Variants in ABCA8 observed in about 807,000 individuals in gnomAD.
ABCA8 encodes ATP binding cassette subfamily A member 8, also known as ABC-type organic anion transporter ABCA8.
A neutral mutation model predicts 192.3 loss-of-function variants in ABCA8; 177 were observed. The ratio of observed to expected loss-of-function variants is 0.92; its 90% CI spans 0.81 to 1.04. The LOEUF (loss-of-function observed/expected upper bound fraction) is 1.04. Ranked by LOEUF, ABCA8 falls within the 50% of genes least tolerant of loss-of-function variation. The pLI is 0.00. For missense variants in ABCA8, 1,915 were observed against 1,904.8 expected, an observed-to-expected ratio of 1.01 and a Z score of -0.10; for synonymous variants, 642 against 690.2, an observed-to-expected ratio of 0.93 and a Z score of 1.09.
At position 68,894,319 on chromosome 17, in the gene ABCA8, T is replaced by C. The variant is rs1203957372; in HGVS notation, c.2899-9A>G. ...AACGAAAAGCTGTAATTCTAAAATA[T>C]AACAAGTAGGATATAAGTTCTCAAA... On this transcript the variant is annotated splice_polypyrimidine_tract_variant and intron_variant, in intron 22 of 39. Transcript: ENST00000586539. 1 of 1,600,666 alleles carries C rather than the reference T, an allele frequency of 6.2e-7. No homozygotes were observed. Among genetic ancestry groups the C allele is most frequent in the Non-Finnish European group, 8.5e-7 (1 of 1,175,468 alleles).
chr17:68,929,269 C>T, intron 8 of ABCA8, 35 bp from the exon 9 acceptor site: 1 of 1,490,912 alleles, frequency 6.7e-7, no homozygotes, highest in Non-Finnish European at 9.0e-7. Flanking sequence ...GTTTATGTTT[C>T]TCTAACATTA....
intron 17 of ABCA8, among the ~76,000 whole-genome samples, chr17:68,909,817 T>C (rs2067186919): frequency 6.6e-6 from 1 of 152,248 alleles, no homozygotes; most frequent in African/African-American, 2.4e-5. Context: ...TCCTATTTTC[T>C]TTGTATTGTT....
At chr17:68,909,671 G>A (rs1278326925) in intron 17 of ABCA8, among the ~76,000 whole-genome samples, 2 of 152,074 alleles carry the variant, frequency 1.3e-5, no homozygotes, top group Non-Finnish European at 2.9e-5. Flanking sequence ...TTTCCAAGAA[G>A]AGATGCAAAC....
intron 24 of ABCA8, among the ~76,000 whole-genome samples, chr17:68,890,796 G>T (rs2066605714): frequency 6.6e-6 from 1 of 152,208 alleles, no homozygotes; most frequent in African/African-American, 2.4e-5. Flanking sequence ...TGAGATTACA[G>T]GCGTGAGCCA....
Position 68,903,455 on chromosome 17 carries a change from T to G in ABCA8, c.2443A>C (p.Thr815Pro). Residue 815 changes from threonine (T) to proline (P), a missense_variant, in exon 20 of 40, where the codon ACT (threonine) becomes CCT (proline). Physicochemically the swap from Thr to Pro is conservative, Grantham distance 38. Coordinates refer to ENST00000586539, the MANE Select transcript of ABCA8 (RefSeq NM_001288985.2). Reference protein sequence around the residue: ...GEVQAEKADDTERLVEMEQVL... With the variant: ...GEVQAEKADDPERLVEMEQVL... ...TGTTCCATCTCAACAAGCCTTTCAG[T>G]GTCGTCAGCTTTTTCCGCTTGTACT... 6.2e-7 allele frequency: 1 copy of G among 1,614,168 alleles called. No homozygotes were observed. The highest frequency in any genetic ancestry group is 8.5e-7 in the Non-Finnish European group (1 of 1,180,032).
rs1484009158 is a variant in ABCA8 at position 68,918,258 on chromosome 17, A to G, written c.1909-73T>C. On this transcript the variant is annotated intron_variant, in intron 15 of 39. Transcript: ENST00000586539. The stretch of plus-strand genomic sequence containing the variant: ...TCTTCCAGAAAACAACGCAAAAACC[A>G]TATTGATTATATTTAACAGAGTATT... The G allele has an allele frequency of 3.2e-6, 5 of 1,571,044 alleles. No individual in the cohort carries two copies. In the African/African-American group the frequency reaches 5.4e-5, roughly 17 times the overall value.
chr17:68,936,785 T>C (rs1245613159), intron 5 of ABCA8, among the ~76,000 whole-genome samples, 166 bp downstream of exon 5: 1 of 152,076 alleles, frequency 6.6e-6, no homozygotes, highest in Non-Finnish European at 1.5e-5. Flanking sequence ...CTTATCGATA[T>C]GTTCTTATGC....
chr17:68,876,424 A>G (rs1461219933), intron 35 of ABCA8, 36 bp downstream of exon 35: 1 of 1,613,660 alleles, frequency 6.2e-7, no homozygotes, highest in Admixed American at 1.7e-5. Context: ...CATGCAAGTC[A>G]TCCGTGCTGT....
At chr17:68,929,495 A>C in intron 8 of ABCA8, 66 bp downstream of exon 8, 1 of 1,511,688 alleles carries the variant, frequency 6.6e-7, no homozygotes, top group Non-Finnish European at 8.9e-7. Context: ...ATACAGAGTA[A>C]TCAGTCGGAA....
At chr17:68,881,762 T>C (rs988587139) in intron 31 of ABCA8, 101 bp downstream of exon 31, 1 of 772,128 alleles carries the variant, frequency 1.3e-6, no homozygotes, top group Non-Finnish European at 2.2e-6. Context: ...CCTCTGGGTC[T>C]GCATGTGAAC....
intron 2 of ABCA8, among the ~76,000 whole-genome samples, chr17:68,942,860 T>C (rs1231636263): frequency 1.3e-5 from 2 of 152,172 alleles, no homozygotes; most frequent in Non-Finnish European, 2.9e-5. Context: ...CTTACTTCAT[T>C]TAATTACTAT....
At chr17:68,901,681 T>A (rs1294268185) in intron 21 of ABCA8, among the ~76,000 whole-genome samples, 1 of 151,768 alleles carries the variant, frequency 6.6e-6, no homozygotes, top group African/African-American at 2.4e-5. Context: ...GGTGGCAAGC[T>A]CCTGTAGTCC....
chr17:68,875,374 T>C lies in ABCA8; in HGVS notation c.4517A>G (p.Lys1506Arg), dbSNP rs961358029. The C allele has an allele frequency of 1.2e-6, 2 of 1,614,164 alleles. No homozygotes were observed. Among genetic ancestry groups the C allele is most frequent in the Non-Finnish European group, 8.5e-7 (1 of 1,180,030 alleles). The change falls in exon 37 of 40, where the codon AAA (lysine) becomes AGA (arginine). Residue 1506 changes from lysine to arginine, a missense_variant. Coordinates refer to ENST00000586539, the MANE Select transcript of ABCA8 (RefSeq NM_001288985.2). ...LRCIGSIQHLKSKFGKDYLLE... is the reference protein window; with the variant it reads ...LRCIGSIQHLRSKFGKDYLLE... Reference sequence around the variant, plus strand: ...CAGGTAATCTTTGCCAAATTTGCTTTTCAGGTGTTGGATGGAACCGATACA... The same window carrying C: ...CAGGTAATCTTTGCCAAATTTGCTTCTCAGGTGTTGGATGGAACCGATACA...
chr17:68,922,429 C>T, intron 11 of ABCA8, 129 bp from the exon 12 acceptor site: 18 of 616,090 alleles, frequency 2.9e-5, no homozygotes, highest in Non-Finnish European at 4.5e-5. Flanking sequence ...CTCACACAGT[C>T]ATAGCTGTGT....
At chr17:68,936,287 T>C (rs1285822260) in intron 5 of ABCA8, among the ~76,000 whole-genome samples, 1 of 152,150 alleles carries the variant, frequency 6.6e-6, no homozygotes, top group Non-Finnish European at 1.5e-5. Context: ...TCCTAGTTTT[T>C]TCTTCCTGAA....
chr17:68,945,012 G>C (rs1054248219), intron 2 of ABCA8: 4 of 152,180 alleles, frequency 2.6e-5, no homozygotes, highest in Non-Finnish European at 5.9e-5. Context: ...GAAATCTAGA[G>C]TTCCTCCTGC....
chr17:68,939,577 A>T (rs2068168096), intron 4 of ABCA8, among the ~76,000 whole-genome samples: 1 of 152,072 alleles, frequency 6.6e-6, no homozygotes, highest in African/African-American at 2.4e-5. Context: ...GGAGGGCTTA[A>T]ATCTGGAGAG....
chr17:68,924,593 G>C, intron 11 of ABCA8, 108 bp downstream of exon 11: 1 of 1,222,304 alleles, frequency 8.2e-7, no homozygotes, highest in Non-Finnish European at 1.1e-6. Context: ...CATAGGTGAG[G>C]ACAGGTGGGA....
intron 1 of ABCA8, among the ~76,000 whole-genome samples, chr17:68,949,906 C>T (rs1336499995): frequency 1.3e-5 from 2 of 152,162 alleles, no homozygotes; most frequent in African/African-American, 4.8e-5. Flanking sequence ...CCCTCTCTCA[C>T]CACTCCTATT....
Sources: allele counts gnomAD v4.1 joint callset (sites outside exome capture counted in the v4.1 genomes callset), GRCh38; gene constraint gnomAD v4.1.1; transcripts MANE v1.5; gene names NCBI Gene and HGNC (gene_info 2026-07-23, HGNC 2026-07-21).